The following MEI4 variants were observed in gnomAD, a reference collection of about 807,000 sequenced individuals.
MEI4 encodes meiosis-specific protein MEI4.
A neutral mutation model predicts 31.4 loss-of-function variants in MEI4; 27 were observed. The observed-to-expected ratio is 0.86, with a 90% CI of 0.63 to 1.19. MEI4 has a LOEUF of 1.19. Ranked by LOEUF, MEI4 falls within the 50% of genes most tolerant of loss-of-function variation. The probability of loss-of-function intolerance (pLI) is 0.00; values close to 1 mark genes in which losing one functional copy is unlikely to be tolerated. For missense variants in MEI4, 329 were observed against 398.9 expected (o/e 0.82, Z 1.49); for synonymous variants, 122 against 145.4 (o/e 0.84, Z 1.16).
chr6:77,866,931 C>T (rs1771049137), intron 4 of MEI4, among the ~76,000 whole-genome samples: 3 of 152,126 alleles, frequency 2.0e-5, no homozygotes, highest in African/African-American at 7.2e-5. Context: ...TATCTACAAC[C>T]ATCTGATCTT....
intron 4 of MEI4, among the ~76,000 whole-genome samples, chr6:77,839,493 CT>C (rs1183542511): frequency 6.6e-6 from 1 of 152,116 alleles, no homozygotes; most frequent in African/African-American, 2.4e-5. Context: ...AGACTCACCC[CT>C]GACCTGTGTG....
chr6:77,893,942 C>T (rs1171139518), intron 4 of MEI4, among the ~76,000 whole-genome samples: 1 of 152,030 alleles, frequency 6.6e-6, no homozygotes, highest in Non-Finnish European at 1.5e-5. Flanking sequence ...TATAACAAAC[C>T]TGCTCATGTA....
chr6:77,769,696 C>T (rs777079865), intron 3 of MEI4, among the ~76,000 whole-genome samples: 1 of 152,068 alleles, frequency 6.6e-6, no homozygotes, highest in Non-Finnish European at 1.5e-5. Context: ...ACTCCTAAGG[C>T]CCCCATCCCA....
At chr6:77,730,602 T>G (rs1415876542) in intron 2 of MEI4, among the ~76,000 whole-genome samples, 2 of 149,100 alleles carry the variant, frequency 1.3e-5, no homozygotes, top group East Asian at 2.2e-4. Flanking sequence ...TTTAGTCTTA[T>G]ATATTATTTA....
At chr6:77,855,543 T>C (rs1770725747) in intron 4 of MEI4, among the ~76,000 whole-genome samples, 1 of 152,160 alleles carries the variant, frequency 6.6e-6, no homozygotes, top group African/African-American at 2.4e-5. Context: ...AGTAAAAAGA[T>C]TTCCATGCTT....
chr6:77,826,168 T>C (rs1293891825), intron 3 of MEI4, among the ~76,000 whole-genome samples: 2 of 152,264 alleles, frequency 1.3e-5, no homozygotes, highest in Non-Finnish European at 2.9e-5. Context: ...TGTGTATACC[T>C]AAATTTATAT....
At chr6:77,833,298 G>A (rs1001394773) in intron 4 of MEI4, among the ~76,000 whole-genome samples, 10 of 151,904 alleles carry the variant, frequency 6.6e-5, no homozygotes, top group African/African-American at 2.4e-4. Flanking sequence ...TTTTCTAAGG[G>A]CCTACATTGT....
At chr6:77,796,492 C>G (rs1237070219) in intron 3 of MEI4, among the ~76,000 whole-genome samples, 1 of 152,024 alleles carries the variant, frequency 6.6e-6, no homozygotes, top group African/African-American at 2.4e-5. Context: ...ACTGTTAGAA[C>G]TAATATATGA....
chr6:77,666,708 C>T (rs534636578), intron 1 of MEI4, among the ~76,000 whole-genome samples: 7 of 152,158 alleles, frequency 4.6e-5, no homozygotes, highest in South Asian at 2.1e-4. Context: ...TGCTTCTTTA[C>T]GATATATTTG....
At chr6:77,901,295 G>C (rs4311482) in intron 4 of MEI4, among the ~76,000 whole-genome samples, 39,289 of 151,702 alleles carry the variant, frequency 0.26, 5,297 homozygotes, top group East Asian at 0.36. Flanking sequence ...AGGCATCTCT[G>C]TTTTCTGTAA....
chr6:77,694,840 T>A (rs1293421093), intron 2 of MEI4, among the ~76,000 whole-genome samples: 1 of 151,448 alleles, frequency 6.6e-6, no homozygotes, highest in African/African-American at 2.4e-5. Context: ...ATCGCCACAC[T>A]GACTTCCACA....
intron 3 of MEI4, among the ~76,000 whole-genome samples, chr6:77,788,709 C>G (rs1279477092): frequency 6.6e-6 from 1 of 152,054 alleles, no homozygotes; most frequent in Non-Finnish European, 1.5e-5. Flanking sequence ...ATGTGAAAGA[C>G]CTCTTCAAGG....
At chr6:77,840,008 A>C (rs1770318792) in intron 4 of MEI4, among the ~76,000 whole-genome samples, 1 of 152,186 alleles carries the variant, frequency 6.6e-6, no homozygotes, top group Non-Finnish European at 1.5e-5. Flanking sequence ...AAGTATTATA[A>C]CTATGCTCCT....
chr6:77,715,027 T>C (rs1324572316), intron 2 of MEI4, among the ~76,000 whole-genome samples: 1 of 152,238 alleles, frequency 6.6e-6, no homozygotes, highest in East Asian at 1.9e-4. Flanking sequence ...TGAGTCCTTT[T>C]AGTCTTATTT....
In MEI4 at chr6:77,889,715, A is replaced by C. The variant is rs570080651; in HGVS notation, c.901-33374A>C. Among the ~76,000 whole-genome samples, 5 of 152,358 alleles carry C rather than the reference A, an allele frequency of 3.3e-5. No homozygotes were observed. The East Asian group carries it at 7.7e-4, about 24-fold the overall frequency. On this transcript the variant is annotated intron_variant, in intron 4 of 4. Coordinates refer to ENST00000684080, the MANE Select transcript of MEI4 (RefSeq NM_001322247.2). ...CAAGACCATCATGGCAGCCACTCCCATCACAGGCCTGGAGTCCTAGAAGAG... is the reference window on the plus strand; with the variant it reads ...CAAGACCATCATGGCAGCCACTCCCCTCACAGGCCTGGAGTCCTAGAAGAG...
At chr6:77,843,465 A>T (rs1770411183) in intron 4 of MEI4, among the ~76,000 whole-genome samples, 1 of 151,948 alleles carries the variant, frequency 6.6e-6, no homozygotes. Flanking sequence ...CACAGTTTTA[A>T]TTCAAAGCCA....
In MEI4 at chr6:77,888,820, C is replaced by G. The variant is rs548157364; in HGVS notation, c.901-34269C>G. ...AATCCCAATGTGTTGTGGGAGGGACCCAGTGGGAAATAATTGAATCATGGG... is the reference window on the plus strand; with the variant it reads ...AATCCCAATGTGTTGTGGGAGGGACGCAGTGGGAAATAATTGAATCATGGG... On this transcript the variant is annotated intron_variant, in intron 4 of 4. Transcript: ENST00000684080. Among the ~76,000 whole-genome samples the G allele has an allele frequency of 6.6e-5, 10 of 152,054 alleles. No individual in the cohort carries two copies. The East Asian group carries it at 1.9e-3, about 30-fold the overall frequency.
At chr6:77,898,978 A>G (rs1404506571) in intron 4 of MEI4, among the ~76,000 whole-genome samples, 1 of 152,018 alleles carries the variant, frequency 6.6e-6, no homozygotes, top group Non-Finnish European at 1.5e-5. Flanking sequence ...GAAAGGAACA[A>G]CCATCCTTTG....
intron 3 of MEI4, among the ~76,000 whole-genome samples, chr6:77,804,505 C>G (rs1769376903): frequency 6.6e-6 from 1 of 152,180 alleles, no homozygotes; most frequent in African/African-American, 2.4e-5. Flanking sequence ...AACCTGGTAC[C>G]TCAGTTGGAA....
Sources: allele counts gnomAD v4.1 joint callset (sites outside exome capture counted in the v4.1 genomes callset), GRCh38; gene constraint gnomAD v4.1.1; transcripts MANE v1.5; gene names NCBI Gene and HGNC (gene_info 2026-07-23, HGNC 2026-07-21).